The following CEP192 variants were observed in gnomAD, a reference collection of about 807,000 sequenced individuals.
CEP192 encodes the protein centrosomal protein 192, also known as centrosomal protein of 192 kDa.
CEP192 carries 151 observed loss-of-function variants against 271.8 expected under a neutral mutation model. The ratio of observed to expected loss-of-function variants is 0.56; its 90% confidence interval spans 0.49 to 0.64. The LOEUF is 0.64. Among genes scored for constraint, CEP192 ranks in the 30% least tolerant of loss-of-function variants. The pLI is 0.00. For synonymous variants in CEP192, 995 were observed against 1,076.5 expected (o/e 0.92, Z 1.48); for missense variants, 2,910 against 3,020.5 (o/e 0.96, Z 0.86).
intron 10 of CEP192, among the ~76,000 whole-genome samples, 156 bp downstream of exon 10, chr18:13,030,158 A>T (rs1444037277): frequency 6.6e-6 from 1 of 152,208 alleles, no homozygotes; most frequent in Non-Finnish European, 1.5e-5. Context: ...TACAGGGAGG[A>T]TTGCTCAGAA....
At chr18:12,998,421 A>G (rs567142817) in intron 1 of CEP192, among the ~76,000 whole-genome samples, 1 of 152,352 alleles carries the variant, frequency 6.6e-6, no homozygotes, top group African/African-American at 2.4e-5. Context: ...CCTGGGTTTG[A>G]ATCTTACTAA....
chr18:13,105,389 CA>C (rs1259217685), intron 40 of CEP192, among the ~76,000 whole-genome samples: 1 of 152,212 alleles, frequency 6.6e-6, no homozygotes, highest in Non-Finnish European at 1.5e-5. Flanking sequence ...TGCCATTACT[CA>C]AAAACAGCTC....
Position 13,049,518 on chromosome 18 carries a change from A to T in CEP192, c.2727A>T (p.Ser909=). The T allele has an allele frequency of 6.2e-7, 1 of 1,614,138 alleles. No homozygotes were observed. Among genetic ancestry groups the T allele is most frequent in the Non-Finnish European group, 8.5e-7 (1 of 1,180,032 alleles). Residue 909 remains serine, a synonymous_variant, in exon 16 of 45, where the codon TCA becomes TCT. Transcript: ENST00000506447. ...SISTPSDSYS[S]VRNPRITSLC... ...CCACTCCATCTGATAGTTATTCATC[A>T]GTGAGGAACCCCAGAATAACATCCC...
At chr18:13,106,139 A>G (rs757108179) in intron 40 of CEP192, among the ~76,000 whole-genome samples, 6 of 152,196 alleles carry the variant, frequency 3.9e-5, no homozygotes, top group Non-Finnish European at 5.9e-5. Context: ...TGGAGGCATC[A>G]TGCTACCTGA....
At chr18:13,016,916 A>G (rs1224573981) in intron 6 of CEP192, among the ~76,000 whole-genome samples, 9 of 152,088 alleles carry the variant, frequency 5.9e-5, no homozygotes, top group African/African-American at 2.2e-4. Context: ...TTGATTTGTG[A>G]TGCCACATTT....
intron 40 of CEP192, among the ~76,000 whole-genome samples, chr18:13,105,817 CAG>C (rs1403305826): frequency 3.3e-5 from 5 of 152,268 alleles, no homozygotes; most frequent in East Asian, 1.9e-4. Context: ...AGCAGAAGAA[CAG>C]GGGATAAGCA....
At chr18:13,041,499 A>AC (rs1233350813) in intron 14 of CEP192, among the ~76,000 whole-genome samples, 3 of 152,132 alleles carry the variant, frequency 2.0e-5, no homozygotes, top group Admixed American at 6.5e-5. Flanking sequence ...GTCCATGTAT[A>AC]CAGAGTCAGC....
At chr18:13,004,954 A>G (rs1418883367) in intron 3 of CEP192, among the ~76,000 whole-genome samples, 3 of 152,094 alleles carry the variant, frequency 2.0e-5, no homozygotes, top group Admixed American at 6.5e-5. Flanking sequence ...GGGTATGGAC[A>G]GGGGCAGGGA....
chr18:13,031,438 G>A (rs546181848), intron 11 of CEP192, among the ~76,000 whole-genome samples: 48 of 151,898 alleles, frequency 3.2e-4, no homozygotes, highest in Non-Finnish European at 5.6e-4. Flanking sequence ...TAGTAGAGAC[G>A]GGGTTTCACC....
chr18:13,101,804 G>A (rs1298720751), intron 38 of CEP192, among the ~76,000 whole-genome samples: 1 of 152,096 alleles, frequency 6.6e-6, no homozygotes, highest in Non-Finnish European at 1.5e-5. Flanking sequence ...TGGCCTCCCT[G>A]AGACCCCCTG....
intron 30 of CEP192, among the ~76,000 whole-genome samples, chr18:13,079,969 G>C (rs2038501781): frequency 6.6e-6 from 1 of 152,052 alleles, no homozygotes; most frequent in Non-Finnish European, 1.5e-5. Context: ...TATTTCTGAG[G>C]CCTCTGTTCT....
Position 13,029,792 on chromosome 18 carries a change from G to T in CEP192, c.1180G>T (p.Ala394Ser). ...TCTGACTGACCCTGTAAAACAGGGG[G>T]CAGAGTGTCCTCACCAAAATAAGAC... is the stretch of plus-strand genomic sequence containing the variant. ...FDLTDPVKQG[A>S]ECPHQNKTVL... is the part of the protein sequence containing the mutation. The change falls in exon 10 of 45, where the codon GCA (alanine) becomes TCA (serine). Residue 394 changes from alanine (A) to serine (S), a missense_variant. By Grantham distance (99) the Ala-to-Ser change is moderately conservative. Transcript: ENST00000506447. 1 of 1,551,578 alleles carries T rather than the reference G, an allele frequency of 6.4e-7. No homozygotes were observed. Among genetic ancestry groups the T allele is most frequent in the East Asian group, 2.4e-5 (1 of 40,916 alleles).
intron 30 of CEP192, among the ~76,000 whole-genome samples, chr18:13,082,432 CTTTTTTTTT>C (rs57663388): frequency 1.8e-4 from 9 of 49,922 alleles, no homozygotes; most frequent in Non-Finnish European, 2.8e-4. Flanking sequence ...GCAACCCCTG[CTTTTTTTTT>C]TTTTTTTTTT....
chr18:13,109,509 C>T (rs148951291), intron 40 of CEP192, among the ~76,000 whole-genome samples: 50 of 152,078 alleles, frequency 3.3e-4, no homozygotes, highest in African/African-American at 1.1e-3. Flanking sequence ...AACAAACCTG[C>T]GCATGTACCC....
At chr18:13,105,118 A>G in intron 40 of CEP192, 39 bp downstream of exon 40, 1 of 1,427,560 alleles carries the variant, frequency 7.0e-7, no homozygotes, top group South Asian at 1.1e-5. Context: ...ACATCATGTA[A>G]ATTGTCCAGG....
chr18:13,058,734 G>A, intron 20 of CEP192: 1 of 214,836 alleles, frequency 4.7e-6, no homozygotes, highest in Non-Finnish European at 9.4e-6. Context: ...CTTCCCCCCA[G>A]CCCCCACCCA....
At chr18:13,093,206 T>A (rs1270232233) in intron 34 of CEP192, among the ~76,000 whole-genome samples, 1 of 152,142 alleles carries the variant, frequency 6.6e-6, no homozygotes, top group East Asian at 1.9e-4. Context: ...CATGGAAAAC[T>A]CATCCAAATT....
rs113834115 is a variant in CEP192 at position 13,084,429 on chromosome 18, C to T, written c.5617-2588C>T. Reference sequence around the variant, plus strand: ...CTCTGTGGGCGTGGGACCTGCCAAGCCAAGCGCGGGATAAAATCTCCTGGT... The same window carrying T: ...CTCTGTGGGCGTGGGACCTGCCAAGTCAAGCGCGGGATAAAATCTCCTGGT... On this transcript the variant is annotated intron_variant, in intron 30 of 44. Coordinates refer to ENST00000506447, the MANE Select transcript of CEP192 (RefSeq NM_032142.4). Among the ~76,000 whole-genome samples, 1,125 of 152,288 alleles carry T rather than the reference C, an allele frequency of 7.4e-3. 10 individuals carry two copies. Among genetic ancestry groups the T allele is most frequent in the African/African-American group, 0.021 (889 of 41,542 alleles).
At chr18:13,084,327 A>G (rs1041259692) in intron 30 of CEP192, among the ~76,000 whole-genome samples, 6 of 152,128 alleles carry the variant, frequency 3.9e-5, no homozygotes, top group East Asian at 1.9e-4. Context: ...AGCCTCAGCA[A>G]TGGTGGATGC....
Sources: gnomAD v4.1 joint callset for allele counts (sites outside exome capture counted in the v4.1 genomes callset) on GRCh38, gnomAD v4.1.1 for gene constraint, MANE v1.5 for transcripts, NCBI Gene and HGNC (gene_info 2026-07-23, HGNC 2026-07-21) for gene names.